The following INPP4B variants were observed in gnomAD, a reference collection of about 807,000 sequenced individuals.
INPP4B encodes the protein inositol polyphosphate 4-phosphatase type II.
INPP4B carries 55 observed loss-of-function variants against 122.5 expected under a neutral mutation model. That is an observed-to-expected ratio of 0.45 (90% CI 0.36 to 0.56). INPP4B has a LOEUF of 0.56. INPP4B is among the 20% of genes least tolerant of loss of function. The pLI is 0.00. For missense variants in INPP4B, 1,000 were observed against 1,097.7 expected (o/e 0.91, Z 1.26); for synonymous variants, 403 against 388.7 (o/e 1.04, Z -0.43).
At chr4:142,581,873 T>C (rs747616340) in intron 2 of INPP4B, among the ~76,000 whole-genome samples, 1 of 152,076 alleles carries the variant, frequency 6.6e-6, no homozygotes, top group East Asian at 1.9e-4. Context: ...GTAGATGCTA[T>C]TTAGAAAGTA....
At chr4:142,268,349 A>AAAAAAGGG (rs1579529886) in intron 10 of INPP4B, among the ~76,000 whole-genome samples, 1 of 142,880 alleles carries the variant, frequency 7.0e-6, no homozygotes. Flanking sequence ...AAAAAAAATG[A>AAAAAAGGG]GGGGTAAGTA....
At chr4:142,093,908 TTAAAAG>T (rs750703872) in intron 23 of INPP4B, among the ~76,000 whole-genome samples, 78 of 152,298 alleles carry the variant, frequency 5.1e-4, no homozygotes, top group Non-Finnish European at 9.6e-4. Context: ...AAAACAAACT[TTAAAAG>T]TAATTTTTAA....
intron 11 of INPP4B, among the ~76,000 whole-genome samples, chr4:142,239,584 T>C (rs1387388193): frequency 6.6e-6 from 1 of 152,148 alleles, no homozygotes; most frequent in African/African-American, 2.4e-5. Flanking sequence ...TTTTAGTCAT[T>C]TGTAAAGTGA....
At chr4:142,079,148 C>T (rs1319624280) in intron 25 of INPP4B, among the ~76,000 whole-genome samples, 8 of 151,930 alleles carry the variant, frequency 5.3e-5, no homozygotes, top group Non-Finnish European at 1.2e-4. Flanking sequence ...CATCTTGATA[C>T]ATTTTTAAAA....
chr4:142,355,343 A>C (rs374551807), intron 7 of INPP4B, among the ~76,000 whole-genome samples: 33 of 152,114 alleles, frequency 2.2e-4, no homozygotes, highest in African/African-American at 7.7e-4. Context: ...CAGGAAGTTG[A>C]ATGAGATGCA....
chr4:142,197,196 G>A (rs1339186145), intron 14 of INPP4B, among the ~76,000 whole-genome samples: 2 of 149,384 alleles, frequency 1.3e-5, no homozygotes, highest in African/African-American at 2.5e-5. Flanking sequence ...TATCCTCAAT[G>A]CTTGGCACAT....
intron 11 of INPP4B, among the ~76,000 whole-genome samples, chr4:142,249,800 A>G (rs1484061491): frequency 6.6e-6 from 1 of 152,178 alleles, no homozygotes; most frequent in East Asian, 1.9e-4. Flanking sequence ...GCTGTGCTGC[A>G]AACAAGGTGC....
intron 2 of INPP4B, among the ~76,000 whole-genome samples, chr4:142,676,789 T>A (rs1242256281): frequency 1.3e-5 from 2 of 152,158 alleles, no homozygotes; most frequent in Non-Finnish European, 2.9e-5. Flanking sequence ...GCTAGCCATA[T>A]GCAGAAAACT....
At chr4:142,262,245 T>C (rs1022300302) in intron 10 of INPP4B, among the ~76,000 whole-genome samples, 1 of 152,014 alleles carries the variant, frequency 6.6e-6, no homozygotes, top group Admixed American at 6.6e-5. Context: ...TACAGGGGAG[T>C]ACACGATCTG....
intron 2 of INPP4B, among the ~76,000 whole-genome samples, chr4:142,622,275 A>T (rs1043446441): frequency 6.6e-6 from 1 of 151,838 alleles, no homozygotes; most frequent in Non-Finnish European, 1.5e-5. Flanking sequence ...CCTTTGATAA[A>T]GTCAGGGGTT....
At chr4:142,616,424 T>A (rs1429388943) in intron 2 of INPP4B, among the ~76,000 whole-genome samples, 1 of 152,148 alleles carries the variant, frequency 6.6e-6, no homozygotes, top group African/African-American at 2.4e-5. Flanking sequence ...AAGCCAGTAG[T>A]TCTGAAGCTT....
intron 23 of INPP4B, among the ~76,000 whole-genome samples, chr4:142,092,630 C>A (rs1423802285): frequency 6.6e-6 from 1 of 152,176 alleles, no homozygotes; most frequent in East Asian, 1.9e-4. Context: ...TGAACCAACC[C>A]TCTCTTGAAA....
At chr4:142,193,007 A>G (rs1836661536) in intron 15 of INPP4B, 80 bp downstream of exon 15, 12 of 806,198 alleles carry the variant, frequency 1.5e-5, no homozygotes, top group South Asian at 9.2e-5. Context: ...ATTGTGATGG[A>G]CCAATCACCT....
chr4:142,731,779 A>T (rs572989542), intron 1 of INPP4B, among the ~76,000 whole-genome samples: 4 of 152,272 alleles, frequency 2.6e-5, no homozygotes, highest in East Asian at 3.9e-4. Flanking sequence ...TCAGGGGAAA[A>T]AAAAAACATC....
intron 2 of INPP4B, among the ~76,000 whole-genome samples, chr4:142,679,830 T>C (rs1758354088): frequency 6.6e-6 from 1 of 151,676 alleles, no homozygotes; most frequent in African/African-American, 2.4e-5. Context: ...GAGAGAATTA[T>C]CTCTCAGTCA....
intron 2 of INPP4B, among the ~76,000 whole-genome samples, chr4:142,607,698 A>C (rs1415125882): frequency 5.3e-5 from 8 of 152,162 alleles, no homozygotes; most frequent in African/African-American, 1.9e-4. Context: ...TTGCACATTC[A>C]CATTAGCCTT....
intron 2 of INPP4B, among the ~76,000 whole-genome samples, chr4:142,474,992 T>C (rs1389172124): frequency 6.6e-6 from 1 of 152,134 alleles, no homozygotes; most frequent in Non-Finnish European, 1.5e-5. Flanking sequence ...AGACCAGCAG[T>C]TTTGCTTCCG....
intron 2 of INPP4B, among the ~76,000 whole-genome samples, chr4:142,642,088 T>C (rs1312149772): frequency 2.0e-5 from 3 of 152,238 alleles, no homozygotes; most frequent in Non-Finnish European, 1.5e-5. Context: ...TCTGTTCATA[T>C]CCTTCGCCCA....
intron 1 of INPP4B, among the ~76,000 whole-genome samples, chr4:142,840,007 G>A (rs1472224226): frequency 6.6e-6 from 1 of 152,132 alleles, no homozygotes; most frequent in Non-Finnish European, 1.5e-5. Flanking sequence ...ACAGATGACA[G>A]AATAAATTAA....
Sources: allele counts gnomAD v4.1 joint callset (sites outside exome capture counted in the v4.1 genomes callset), GRCh38; gene constraint gnomAD v4.1.1; transcripts MANE v1.5; gene names NCBI Gene and HGNC (gene_info 2026-07-23, HGNC 2026-07-21).